The following CEP164 variants were observed in gnomAD, a reference collection of about 807,000 sequenced individuals.
CEP164 encodes centrosomal protein of 164 kDa.
A neutral mutation model predicts 182.7 loss-of-function variants in CEP164; 162 were observed. The observed-to-expected ratio is 0.89, with a 90% CI of 0.78 to 1.01. The LOEUF (loss-of-function observed/expected upper bound fraction) is 1.01, where lower values mean the gene tolerates loss of function less well. Among genes scored for constraint, CEP164 ranks in the 50% least tolerant of loss-of-function variants. The pLI, the probability that CEP164 is intolerant of heterozygous loss-of-function variation, is 0.00. For synonymous variants in CEP164, 661 were observed against 690.0 expected, an observed-to-expected ratio of 0.96 and a Z score of 0.66; for missense variants, 1,735 against 1,790.4, an observed-to-expected ratio of 0.97 and a Z score of 0.56.
At chr11:117,362,954 G>GT (rs1388004726) in intron 7 of CEP164, among the ~76,000 whole-genome samples, 1 of 152,162 alleles carries the variant, frequency 6.6e-6, no homozygotes, top group East Asian at 1.9e-4. Context: ...TTAGCATAAT[G>GT]TTTCAAGCTT....
intron 23 of CEP164, 48 bp downstream of exon 23, chr11:117,395,239 GTCTT>G: frequency 6.3e-7 from 1 of 1,593,360 alleles, no homozygotes; most frequent in Non-Finnish European, 8.6e-7. Flanking sequence ...TCCATTTCCT[GTCTT>G]TCTTCTCCCT....
chr11:117,404,080 C>T (rs1294077114), intron 27 of CEP164, among the ~76,000 whole-genome samples: 1 of 151,978 alleles, frequency 6.6e-6, no homozygotes, highest in Non-Finnish European at 1.5e-5. Context: ...TCTTAGCTTC[C>T]TTGCATTGGG....
Position 117,345,215 on chromosome 11 carries a change from CAG to C in CEP164, c.194+941_194+942del, listed in dbSNP as rs979357085. ...TCACTCAGTGGTTGTCTCAGGGAAACAGAGGTTTATGGAGAGGAAAGACAGAG... is the reference window on the plus strand; with the variant it reads ...TCACTCAGTGGTTGTCTCAGGGAAACAGGTTTATGGAGAGGAAAGACAGAG... On this transcript the variant is annotated intron_variant, in intron 4 of 32. Transcript: ENST00000278935. 2.7e-4 allele frequency among the ~76,000 whole-genome samples: 41 copies of C among 152,262 alleles called. 1 individual carries two copies. The highest frequency in any genetic ancestry group is 8.9e-4 in the African/African-American group (37 of 41,544).
Position 117,394,637 on chromosome 11 carries a change from G to A in CEP164, c.2760+144G>A, listed in dbSNP as rs2045194408. 3 of 1,181,862 alleles carry A rather than the reference G, an allele frequency of 2.5e-6. No homozygotes were observed. Among genetic ancestry groups the A allele is most frequent in the Admixed American group, 5.4e-5 (2 of 36,858 alleles). 73.2% of individuals were successfully genotyped at this position (1,181,862 alleles called of 1,614,324 possible). A position where few individuals can be genotyped will look rare whatever the true frequency, so the allele number is the denominator to read the frequency against. On this transcript the variant is annotated intron_variant, in intron 21 of 32. Coordinates refer to ENST00000278935, the MANE Select transcript of CEP164 (RefSeq NM_014956.5). This position sits in a 1 kb window ranked among gnomAD's most constrained non-coding sequence, Gnocchi z 4.0. ...TCTCACTGGCCATCTCCAAGCTGGG[G>A]CATCCTTGTTACTTTGTTTTCTGGG...
In CEP164 at chr11:117,409,073, T is replaced by A. The variant is rs776843152; in HGVS notation, c.3748+45T>A. ...GGTGAGGACCATGGTATCCATGGAA[T>A]GGGAGGAACTTGGGGAATAGAAGAA... On this transcript the variant is annotated intron_variant, in intron 29 of 32. Coordinates refer to ENST00000278935, the MANE Select transcript of CEP164 (RefSeq NM_014956.5). The surrounding 1 kb of genome is among the most constrained non-coding windows in gnomAD (Gnocchi z 4.4). 2 of 1,611,498 alleles carry A rather than the reference T, an allele frequency of 1.2e-6. No homozygotes were observed. The highest frequency in any genetic ancestry group is 1.7e-6 in the Non-Finnish European group (2 of 1,178,482).
intron 3 of CEP164, among the ~76,000 whole-genome samples, chr11:117,341,603 C>G (rs2038131964): frequency 6.6e-6 from 1 of 152,092 alleles, no homozygotes; most frequent in South Asian, 2.1e-4. Context: ...ACCATCAGGC[C>G]TGGCTAATTT....
chr11:117,329,516 G>A (rs2035855447), intron 1 of CEP164, among the ~76,000 whole-genome samples: 2 of 152,052 alleles, frequency 1.3e-5, no homozygotes, highest in Admixed American at 1.3e-4. Context: ...CCGTTTATTA[G>A]CTGTGACACC....
At chr11:117,331,556 A>G (rs1454946180) in intron 1 of CEP164, among the ~76,000 whole-genome samples, 1 of 152,098 alleles carries the variant, frequency 6.6e-6, no homozygotes, top group African/African-American at 2.4e-5. Flanking sequence ...GAGAGAGGTG[A>G]AGCACCTTGC....
Position 117,411,248 on chromosome 11 carries a change from CT to C in CEP164, c.4163+357del. On this transcript the variant is annotated intron_variant, in intron 31 of 32. Coordinates refer to ENST00000278935, the MANE Select transcript of CEP164 (RefSeq NM_014956.5). The surrounding 1 kb of genome is among the most constrained non-coding windows in gnomAD (Gnocchi z 4.4). ...TCCAGCCCCGGAGTCTGGCCTTTGT[CT>C]TTGCCCTTGAGCTCTTGTTTGCTTC... 3.5e-6 allele frequency: 1 copy of C among 288,740 alleles called. No homozygotes were observed. Among genetic ancestry groups the C allele is most frequent in the Non-Finnish European group, 6.7e-6 (1 of 149,848 alleles). The allele number at this position is 288,740 out of a possible 1,614,324, so 17.9% of individuals were successfully genotyped here.
In CEP164 at chr11:117,354,136, C is replaced by T. The variant is rs143871562; in HGVS notation, c.393+2148C>T. Reference sequence around the variant, plus strand: ...GGTTCAAGCAATTCTCGTCCCTCAGCCTTCCGAGGAGCAGGGACTACAGGC... The same window carrying T: ...GGTTCAAGCAATTCTCGTCCCTCAGTCTTCCGAGGAGCAGGGACTACAGGC... On this transcript the variant is annotated intron_variant, in intron 5 of 32. Transcript: ENST00000278935. 7.1e-3 allele frequency among the ~76,000 whole-genome samples: 1,084 copies of T among 152,086 alleles called. 11 individuals carry two copies. Among genetic ancestry groups the T allele is most frequent in the African/African-American group, 0.025 (1,043 of 41,464 alleles).
rs889412642 is a variant in CEP164, at chr11:117,394,675, C to G, written c.2760+182C>G. Among the ~76,000 whole-genome samples, 25 of 152,204 alleles carry G rather than the reference C, an allele frequency of 1.6e-4. No homozygotes were observed. Among genetic ancestry groups the G allele is most frequent in the African/African-American group, 5.8e-4 (24 of 41,450 alleles). ...TTTGTTTTCTGGGCCAGGGAACACA[C>G]TCAGGATTAGAACTAGAGGTCAGCC... On this transcript the variant is annotated intron_variant, in intron 21 of 32. Coordinates refer to ENST00000278935, the MANE Select transcript of CEP164 (RefSeq NM_014956.5). The surrounding 1 kb of genome is among the most constrained non-coding windows in gnomAD (Gnocchi z 4.0).
At chr11:117,388,690 T>C (rs553915843) in intron 15 of CEP164, among the ~76,000 whole-genome samples, 53 of 152,318 alleles carry the variant, frequency 3.5e-4, no homozygotes, top group Admixed American at 3.4e-3. Context: ...TTGCTGTGTG[T>C]AAAATTTAGC....
intron 8 of CEP164, 55 bp from the exon 9 acceptor site, chr11:117,371,025 C>T: frequency 1.3e-6 from 2 of 1,507,482 alleles, no homozygotes; most frequent in Non-Finnish European, 1.8e-6. Flanking sequence ...CATGTCTCAA[C>T]TCCTTTTGCA....
intron 1 of CEP164, among the ~76,000 whole-genome samples, chr11:117,331,459 A>G (rs2036195520): frequency 6.6e-6 from 1 of 152,202 alleles, no homozygotes; most frequent in Non-Finnish European, 1.5e-5. Context: ...TGTGCTAGGC[A>G]CTTTATAAGT....
At chr11:117,332,834 C>A (rs550926290) in intron 1 of CEP164, among the ~76,000 whole-genome samples, 2 of 152,318 alleles carry the variant, frequency 1.3e-5, no homozygotes, top group East Asian at 3.9e-4. Flanking sequence ...GCAAGTAGAT[C>A]TCACTGGATT....
chr11:117,350,629 T>A (rs1401421290), intron 4 of CEP164, among the ~76,000 whole-genome samples: 2 of 152,184 alleles, frequency 1.3e-5, no homozygotes, highest in Admixed American at 6.5e-5. Context: ...CATTTTCTCT[T>A]TTGTTTGAAT....
At chr11:117,400,140 T>C (rs945900989) in intron 27 of CEP164, among the ~76,000 whole-genome samples, 5 of 152,244 alleles carry the variant, frequency 3.3e-5, no homozygotes, top group Admixed American at 3.3e-4. Context: ...AAGTCTTTAA[T>C]CCATCTCGAA....
Position 117,371,457 on chromosome 11 carries a change from C to G in CEP164, c.1143C>G (p.Asp381Glu). ...KASALEEGSSDASQELEISEH... is the reference protein window; with the variant it reads ...KASALEEGSSEASQELEISEH... ...CTGCTCTGGAAGAGGGCAGTTCAGA[C>G]GCCAGCCAAGTAAGTCACTGTATCC... Residue 381 changes from aspartate to glutamate, a missense_variant, in exon 9 of 33, where the codon GAC becomes GAG. Coordinates refer to ENST00000278935, the MANE Select transcript of CEP164 (RefSeq NM_014956.5). 1.2e-6 allele frequency: 2 copies of G among 1,608,092 alleles called. No individual in the cohort carries two copies. The highest frequency in any genetic ancestry group is 1.7e-6 in the Non-Finnish European group (2 of 1,177,512).
At chr11:117,355,216 A>G (rs772428001) in intron 5 of CEP164, 308 of 1,289,748 alleles carry the variant, frequency 2.4e-4, no homozygotes, top group Non-Finnish European at 3.0e-4. Context: ...CCCCAGCCCA[A>G]TGCAGGAGAG....
Sources: gnomAD v4.1 joint callset for allele counts (sites outside exome capture counted in the v4.1 genomes callset) on GRCh38, gnomAD v4.1.1 for gene constraint, Gnocchi (gnomAD v3.1) non-coding constraint, MANE v1.5 for transcripts, NCBI Gene and HGNC (gene_info 2026-07-23, HGNC 2026-07-21) for gene names.